Variants in MTR observed in about 807,000 individuals in gnomAD.
The protein encoded by MTR is 5-methyltetrahydrofolate-homocysteine methyltransferase, also known as methionine synthase.
In MTR, 84 loss-of-function variants were observed where a neutral mutation model predicts 154.8. That is an observed-to-expected ratio of 0.54 (90% confidence interval 0.45 to 0.65). MTR has a LOEUF of 0.65. Among genes scored for constraint, MTR ranks in the 30% least tolerant of loss-of-function variants. The pLI, the probability that MTR is intolerant of heterozygous loss-of-function variation, is 0.00. For missense variants in MTR, 1,275 were observed against 1,570.2 expected (o/e 0.81, Z 3.18); for synonymous variants, 554 against 553.9 (o/e 1.00, Z 0.00).
chr1:236,855,201 G>A (rs996592536), intron 18 of MTR, among the ~76,000 whole-genome samples: 17 of 152,106 alleles, frequency 1.1e-4, no homozygotes, highest in African/African-American at 3.1e-4. Flanking sequence ...GATCTCTTTC[G>A]GTTATTGCAA....
Position 236,886,353 on chromosome 1 carries a change from C to G in MTR, c.2837C>G (p.Ser946Cys). 6.2e-7 allele frequency: 1 copy of G among 1,614,188 alleles called. No individual in the cohort carries two copies. Among genetic ancestry groups the G allele is most frequent in the Non-Finnish European group, 8.5e-7 (1 of 1,180,014 alleles). The change falls in exon 27 of 33, where the codon TCT (serine) becomes TGT (cysteine). Residue 946 changes from serine (S) to cysteine (C), a missense_variant. Ser to Cys is a moderately radical substitution (Grantham distance 112). Transcript: ENST00000366577. ...AGTGGTTTCCAAATGGATTGGCTGT[C>G]TGAACCTCACCCAGGTCTGTTTGGC... The part of the protein sequence containing the change: ...RKSGFQMDWL[S>C]EPHPVKPTFI...
intron 8 of MTR, among the ~76,000 whole-genome samples, chr1:236,816,972 G>T (rs1289074660): frequency 1.3e-5 from 2 of 152,188 alleles, no homozygotes; most frequent in South Asian, 2.1e-4. Context: ...TACTTGGGAG[G>T]TGGAAGCAGG....
At chr1:236,892,250 T>C (rs1666368755) in intron 29 of MTR, among the ~76,000 whole-genome samples, 1 of 152,094 alleles carries the variant, frequency 6.6e-6, no homozygotes. Flanking sequence ...GGTGGGAGGA[T>C]TGCTTGAGCC....
rs1666834839 is a variant in MTR, at chr1:236,899,621, A to AT, written c.*1978dup. On this transcript the variant is annotated 3_prime_UTR_variant, in exon 33 of 33. Coordinates refer to ENST00000366577, the MANE Select transcript of MTR (RefSeq NM_000254.3). ...TCTCTTGAGACATAAAGTAGTAATC[A>AT]TAAAGGACAAGATGGTTAAGTCAAT... is the stretch of plus-strand genomic sequence containing the variant. 6.6e-6 allele frequency: 1 copy of AT among 152,270 alleles called. No homozygotes were observed. Among genetic ancestry groups the AT allele is most frequent in the Admixed American group, 6.5e-5 (1 of 15,290 alleles). The allele number at this position is 152,270 out of a possible 1,614,324, so 9.4% of individuals were successfully genotyped here.
rs758604695 is a variant in MTR, at chr1:236,795,599, T to G, written c.-105T>G. 2 of 1,598,748 alleles carry G rather than the reference T, an allele frequency of 1.3e-6. No homozygotes were observed. Among genetic ancestry groups the G allele is most frequent in the Admixed American group, 3.4e-5 (2 of 59,034 alleles). On this transcript the variant is annotated 5_prime_UTR_variant, in exon 1 of 33. Transcript: ENST00000366577. ...GGCGTCAAAAGACCCGGGCCTTGTGTGGCAGGCTCGCCTGGCGCTGGCTGG... is the reference window on the plus strand; with the variant it reads ...GGCGTCAAAAGACCCGGGCCTTGTGGGGCAGGCTCGCCTGGCGCTGGCTGG...
chr1:236,830,267 A>G (rs1386694104), intron 12 of MTR, among the ~76,000 whole-genome samples: 1 of 152,138 alleles, frequency 6.6e-6, no homozygotes, highest in Non-Finnish European at 1.5e-5. Flanking sequence ...CCTCTCTGGA[A>G]ATAGTGGCTT....
At position 236,861,352 on chromosome 1, in the gene MTR, T is replaced by C. The variant is rs1044212184; in HGVS notation, c.2196+75T>C. 22 of 1,599,728 alleles carry C rather than the reference T, an allele frequency of 1.4e-5. No individual in the cohort carries two copies. In the African/African-American group the frequency reaches 2.1e-4, roughly 16 times the overall value. ...ATTTAATAAATGGCGATTTGGGATA[T>C]ATTTCTCAGGTTTTAATTTGGACAA... is the stretch of plus-strand genomic sequence containing the variant. On this transcript the variant is annotated intron_variant, in intron 20 of 32. Transcript: ENST00000366577.
At chr1:236,868,600 G>C (rs371030947) in intron 22 of MTR, among the ~76,000 whole-genome samples, 1 of 152,142 alleles carries the variant, frequency 6.6e-6, no homozygotes, top group Non-Finnish European at 1.5e-5. Context: ...AAAGACAAAA[G>C]AGGACATTTT....
At chr1:236,832,148 G>A (rs1409157759) in intron 13 of MTR, 70 bp downstream of exon 13, 17 of 1,197,124 alleles carry the variant, frequency 1.4e-5, no homozygotes, top group Non-Finnish European at 1.9e-5. Context: ...AAATGAAACA[G>A]CTCTCTGCCT....
chr1:236,839,939 A>G (rs1663133646), intron 15 of MTR, among the ~76,000 whole-genome samples: 1 of 152,200 alleles, frequency 6.6e-6, no homozygotes. Flanking sequence ...CTTAATATAA[A>G]AGTACTTACA....
At chr1:236,831,941 T>A in intron 12 of MTR, 25 bp from the exon 13 acceptor site, 1 of 1,583,768 alleles carries the variant, frequency 6.3e-7, no homozygotes, top group East Asian at 2.2e-5. Flanking sequence ...TTGCAGAAAT[T>A]TTTCAAAATG....
chr1:236,881,487 G>A lies in MTR; in HGVS notation c.2676+651G>A, dbSNP rs555524092. Among the ~76,000 whole-genome samples the A allele has an allele frequency of 7.9e-5, 12 of 152,002 alleles. No homozygotes were observed. In the South Asian group the frequency reaches 1.0e-3, roughly 13 times the overall value. On this transcript the variant is annotated intron_variant, in intron 25 of 32. Coordinates refer to ENST00000366577, the MANE Select transcript of MTR (RefSeq NM_000254.3). ...ACAGAATCTTTGTCTGTTAAGTGAC[G>A]TCTTACCTGGAAATTTAGTGTGGCA... is the stretch of plus-strand genomic sequence containing the variant.
rs1310101554 is a variant in MTR, at chr1:236,838,581, T to C, written c.1497T>C (p.Ala499=). The part of the protein sequence containing the change: ...KKYGAAMVVM[A]FDEEGQATET... ...ATGGAGCTGCTATGGTGGTCATGGC[T>C]TTTGATGAAGAAGGACAGGTGAGTG... Residue 499 remains alanine, a synonymous_variant, in exon 15 of 33, where the codon GCT becomes GCC. Coordinates refer to ENST00000366577, the MANE Select transcript of MTR (RefSeq NM_000254.3). 1.6e-5 allele frequency: 26 copies of C among 1,614,008 alleles called. No homozygotes were observed. The highest frequency in any genetic ancestry group is 1.9e-5 in the Non-Finnish European group (23 of 1,180,006).
intron 15 of MTR, among the ~76,000 whole-genome samples, chr1:236,843,406 G>C (rs1663376650): frequency 6.6e-6 from 1 of 152,160 alleles, no homozygotes; most frequent in African/African-American, 2.4e-5. Flanking sequence ...ATACAAGGTT[G>C]GAAAGGTGGC....
At chr1:236,893,052 C>T (rs981123780) in intron 29 of MTR, among the ~76,000 whole-genome samples, 51 of 152,278 alleles carry the variant, frequency 3.3e-4, no homozygotes, top group African/African-American at 1.2e-3. Context: ...CCTTATTACT[C>T]TGGGAGTCTG....
Position 236,862,311 on chromosome 1 carries a change from A to G in MTR, c.2272A>G (p.Thr758Ala), listed in dbSNP as rs759627208. The G allele has an allele frequency of 1.2e-6, 2 of 1,613,974 alleles. No homozygotes were observed. Among genetic ancestry groups the G allele is most frequent in the Admixed American group, 1.7e-5 (1 of 60,016 alleles). Residue 758 changes from threonine to alanine, a missense_variant, in exon 21 of 33, where the codon ACC becomes GCC. Transcript: ENST00000366577. ...TTTCATGGAAAAAGAAAGAGAAGAA[A>G]CCAGAGTGCTTAACGGCACAGTAGA... ...IPFMEKEREE[T>A]RVLNGTVEEE...
At position 236,894,468 on chromosome 1, in the gene MTR, G is replaced by C; in HGVS notation, c.3316G>C (p.Gly1106Arg). ...YLGLFAVACFGVEELSKAYED... is the reference protein window; with the variant it reads ...YLGLFAVACFRVEELSKAYED... The stretch of plus-strand genomic sequence containing the variant: ...GGGCCTGTTTGCCGTTGCCTGCTTT[G>C]GGGTAGAAGAGCTGAGCAAGGCCTA... Residue 1106 changes from glycine (G) to arginine (R), a missense_variant, in exon 30 of 33, where the codon GGG becomes CGG. Coordinates refer to ENST00000366577, the MANE Select transcript of MTR (RefSeq NM_000254.3). The C allele has an allele frequency of 6.2e-7, 1 of 1,614,126 alleles. No individual in the cohort carries two copies. The highest frequency in any genetic ancestry group is 8.5e-7 in the Non-Finnish European group (1 of 1,180,030).
intron 30 of MTR, 144 bp downstream of exon 30, chr1:236,894,701 A>T (rs1030439378): frequency 1.4e-6 from 1 of 735,006 alleles, no homozygotes; most frequent in Admixed American, 2.9e-5. Context: ...TGGCTTTAAC[A>T]TTATACGTAT....
chr1:236,883,782 T>C (rs1665878984), intron 25 of MTR, among the ~76,000 whole-genome samples: 2 of 152,208 alleles, frequency 1.3e-5, no homozygotes. Flanking sequence ...TGGATTGTTA[T>C]TAGAGATACT....
Sources: gnomAD v4.1 joint callset for allele counts (sites outside exome capture counted in the v4.1 genomes callset) on GRCh38, gnomAD v4.1.1 for gene constraint, MANE v1.5 for transcripts, NCBI Gene and HGNC (gene_info 2026-07-23, HGNC 2026-07-21) for gene names.